The following ERCC6 variants were observed in gnomAD, a reference collection of about 807,000 sequenced individuals.
ERCC6 encodes DNA excision repair protein ERCC-6.
Under a neutral mutation model 158.7 loss-of-function variants are expected in ERCC6, and 116 were observed. That is an observed-to-expected ratio of 0.73 (90% CI 0.63 to 0.85). The LOEUF (loss-of-function observed/expected upper bound fraction) is 0.85, where lower values mean the gene tolerates loss of function less well. Among genes scored for constraint, ERCC6 ranks in the 40% least tolerant of loss-of-function variants. The pLI is 0.00. For missense variants in ERCC6, 1,698 were observed against 1,799.4 expected (o/e 0.94, Z 1.02); for synonymous variants, 678 against 659.3 (o/e 1.03, Z -0.43).
intron 8 of ERCC6, among the ~76,000 whole-genome samples, chr10:49,490,075 C>T (rs111339748): frequency 4.7e-4 from 71 of 152,200 alleles, no homozygotes; most frequent in African/African-American, 1.5e-3. Flanking sequence ...TTATTAAATG[C>T]GATTTCAAGT....
chr10:49,446,950 T>C, the ERCC6 span, among the ~76,000 whole-genome samples: 3 of 152,176 alleles, frequency 2.0e-5, no homozygotes, highest in Non-Finnish European at 4.4e-5. Flanking sequence ...TTGAAGGACA[T>C]GAATCCTTAA....
At position 49,530,667 on chromosome 10, in the gene ERCC6, C is replaced by T. The variant is rs1837447573; in HGVS notation, c.543+53G>A. 2.6e-5 allele frequency: 42 copies of T among 1,601,870 alleles called. 1 individual carries two copies. The South Asian group carries it at 4.5e-4, about 17-fold the overall frequency. Reference sequence around the variant, plus strand: ...TTAAAATACTTCCTAAATTAAGTGCCCCTAAATGATGACTTTTTCAAAAAT... The same window carrying T: ...TTAAAATACTTCCTAAATTAAGTGCTCCTAAATGATGACTTTTTCAAAAAT... On this transcript the variant is annotated intron_variant, in intron 3 of 20. Coordinates refer to ENST00000355832, the MANE Select transcript of ERCC6 (RefSeq NM_000124.4).
At chr10:49,467,128 T>C (rs1185413853) in intron 18 of ERCC6, among the ~76,000 whole-genome samples, 1 of 152,256 alleles carries the variant, frequency 6.6e-6, no homozygotes. Flanking sequence ...TTTAACTATT[T>C]ACTTGTTGGT....
At chr10:49,435,957 G>C in the ERCC6 span, among the ~76,000 whole-genome samples, 1 of 150,776 alleles carries the variant, frequency 6.6e-6, no homozygotes, top group Admixed American at 6.6e-5. Flanking sequence ...AGCCGAGATC[G>C]TGCCACTGTA....
intron 5 of ERCC6, chr10:49,516,448 C>T (rs1340562078): frequency 1.2e-6 from 2 of 1,614,090 alleles, no homozygotes; most frequent in Non-Finnish European, 1.7e-6. Context: ...AATATAGTTT[C>T]AAACCGGTCA....
chr10:49,441,904 G>T, the ERCC6 span, among the ~76,000 whole-genome samples: 1 of 152,222 alleles, frequency 6.6e-6, no homozygotes, highest in Non-Finnish European at 1.5e-5. Flanking sequence ...GCGGGAGAAA[G>T]TGTGCTTTAC....
the ERCC6 span, among the ~76,000 whole-genome samples, chr10:49,448,061 T>C: frequency 1.3e-5 from 2 of 152,252 alleles, no homozygotes; most frequent in African/African-American, 4.8e-5. Context: ...CCACAAAGTA[T>C]AATTGTTGGA....
rs1837514440 is a variant in ERCC6, at chr10:49,533,192, AT to A, written c.-14-215del. Among the ~76,000 whole-genome samples, 3 of 152,338 alleles carry A rather than the reference AT, an allele frequency of 2.0e-5. No individual in the cohort carries two copies. The South Asian group carries it at 6.2e-4, about 32-fold the overall frequency. ...TAAGAAAAATTAACCAGAAAAAGAA[AT>A]GCAGTATCATCAACAAAGGACATTT... On this transcript the variant is annotated intron_variant, in intron 1 of 20. Transcript: ENST00000355832.
chr10:49,498,502 G>C (rs1300451290), intron 7 of ERCC6, among the ~76,000 whole-genome samples: 1 of 152,138 alleles, frequency 6.6e-6, no homozygotes, highest in East Asian at 1.9e-4. Context: ...ATGAGCGGGG[G>C]GGACCACACT....
In ERCC6 at chr10:49,460,377, C is replaced by G; in HGVS notation, c.4058G>C (p.Cys1353Ser). 1 of 1,610,446 alleles carries G rather than the reference C, an allele frequency of 6.2e-7. No individual in the cohort carries two copies. Among genetic ancestry groups the G allele is most frequent in the Non-Finnish European group, 8.5e-7 (1 of 1,176,674 alleles). ...HPSSTSPTEK[C>S]QDGIMKKEGK... ...CAAAAAGGTTATCTATATTACCTGG[C>G]ACTTCTCTGTTGGAGATGTTGATGA... Residue 1353 changes from cysteine to serine, a missense_variant, in exon 20 of 21, where the codon TGC becomes TCC. Coordinates refer to ENST00000355832, the MANE Select transcript of ERCC6 (RefSeq NM_000124.4).
chr10:49,439,032 C>T, the ERCC6 span, among the ~76,000 whole-genome samples: 7 of 152,278 alleles, frequency 4.6e-5, no homozygotes, highest in Admixed American at 2.6e-4. Context: ...CCATTGTCTG[C>T]GGCTTTTCCA....
downstream of ERCC6, among the ~76,000 whole-genome samples, chr10:49,449,991 G>C (rs1850403814): frequency 6.6e-6 from 1 of 152,012 alleles, no homozygotes. Flanking sequence ...TCTCACCATA[G>C]CCTCCTGAGT....
intron 7 of ERCC6, among the ~76,000 whole-genome samples, chr10:49,495,594 C>T (rs1454955479): frequency 2.0e-5 from 3 of 152,048 alleles, no homozygotes; most frequent in Non-Finnish European, 2.9e-5. Flanking sequence ...GCCGATATCC[C>T]CAAAGCACCA....
chr10:49,520,442 C>A (rs542872695), intron 5 of ERCC6, among the ~76,000 whole-genome samples: 1 of 152,180 alleles, frequency 6.6e-6, no homozygotes, highest in Non-Finnish European at 1.5e-5. Context: ...ATGATAAACA[C>A]TAACCCTAGT....
chr10:49,474,216 T>TC lies in ERCC6; in HGVS notation c.2408dup (p.Ile805AsnfsTer6), dbSNP rs747681628. On this transcript the variant is annotated frameshift_variant, in exon 13 of 21. Transcript: ENST00000355832. LOFTEE classifies it high-confidence loss of function. Reference sequence around the variant, plus strand: ...AGAGATCAGGGTGGTTGCAAATTTTTCTTAGGGCTATAAGTCCGGAGAAAA... The same window carrying TC: ...AGAGATCAGGGTGGTTGCAAATTTTTCCTTAGGGCTATAAGTCCGGAGAAAA... 6.2e-7 allele frequency: 1 copy of TC among 1,614,138 alleles called. No homozygotes were observed. Among genetic ancestry groups the TC allele is most frequent in the Admixed American group, 1.7e-5 (1 of 60,022 alleles).
At chr10:49,460,790 G>A (rs564773304) in intron 19 of ERCC6, among the ~76,000 whole-genome samples, 64 of 152,110 alleles carry the variant, frequency 4.2e-4, no homozygotes, top group African/African-American at 1.2e-3. Flanking sequence ...GCATGGTGGC[G>A]GGAGCCTGTA....
In ERCC6 at chr10:49,460,503, G is replaced by C. The variant is rs750192673; in HGVS notation, c.3984-52C>G. ...ATTAAATGTTTGCTTTTGAGACTTA[G>C]AGATCAAAATATTCTTTCAACAATG... On this transcript the variant is annotated intron_variant, in intron 19 of 20. Coordinates refer to ENST00000355832, the MANE Select transcript of ERCC6 (RefSeq NM_000124.4). 4.9e-6 allele frequency: 6 copies of C among 1,221,538 alleles called. No individual in the cohort carries two copies. The Admixed American group carries it at 1.0e-4, about 21-fold the overall frequency. 75.7% of individuals were successfully genotyped at this position (1,221,538 alleles called of 1,614,324 possible).
intron 4 of ERCC6, among the ~76,000 whole-genome samples, chr10:49,527,399 G>A (rs1425999343): frequency 6.6e-6 from 1 of 152,238 alleles, no homozygotes; most frequent in Non-Finnish European, 1.5e-5. Flanking sequence ...TTTGGGCTGG[G>A]TGCAGTGGCT....
intron 8 of ERCC6, among the ~76,000 whole-genome samples, chr10:49,489,896 T>C (rs1368488298): frequency 1.3e-5 from 2 of 152,216 alleles, no homozygotes; most frequent in Non-Finnish European, 2.9e-5. Context: ...CTTTTTAAGG[T>C]TAGTTAAAAA....
Sources: gnomAD v4.1 joint callset for allele counts (sites outside exome capture counted in the v4.1 genomes callset) on GRCh38, gnomAD v4.1.1 for gene constraint, MANE v1.5 for transcripts, NCBI Gene and HGNC (gene_info 2026-07-23, HGNC 2026-07-21) for gene names.